Variants in TMEM209 observed in about 807,000 individuals in gnomAD.
The protein encoded by TMEM209 is transmembrane protein 209, also known as testicular tissue protein Li 202.
TMEM209 carries 65 observed loss-of-function variants against 76.2 expected under a neutral mutation model. The observed-to-expected ratio is 0.85, with a 90% CI of 0.70 to 1.05. The LOEUF is 1.05. Ranked by LOEUF, TMEM209 falls within the 50% of genes least tolerant of loss-of-function variation. The pLI, the probability that TMEM209 is intolerant of heterozygous loss-of-function variation, is 0.00. For synonymous variants in TMEM209, 239 were observed against 237.6 expected (o/e 1.01, Z -0.06); for missense variants, 623 against 685.5 (o/e 0.91, Z 1.02).
intron 5 of TMEM209, 69 bp downstream of exon 5, chr7:130,201,781 A>G: frequency 6.3e-7 from 1 of 1,580,998 alleles, no homozygotes; most frequent in Non-Finnish European, 8.6e-7. Context: ...GTTTTGACTC[A>G]TTAGATGATT....
chr7:130,201,660 G>T, intron 5 of TMEM209, 190 bp downstream of exon 5: 1 of 703,988 alleles, frequency 1.4e-6, no homozygotes, highest in Non-Finnish European at 2.3e-6. Flanking sequence ...CTCTGTAAAT[G>T]CTAATTTTTT....
intron 7 of TMEM209, among the ~76,000 whole-genome samples, chr7:130,184,713 A>G (rs1314656484): frequency 6.6e-6 from 1 of 151,944 alleles, no homozygotes; most frequent in Non-Finnish European, 1.5e-5. Flanking sequence ...GATGGTCTCA[A>G]TCTCCTGACC....
intron 8 of TMEM209, 113 bp from the exon 9 acceptor site, chr7:130,181,832 A>G: frequency 1.3e-6 from 1 of 741,648 alleles, no homozygotes; most frequent in Non-Finnish European, 2.2e-6. Context: ...TTATAGTTGA[A>G]TATTAAAAGA....
intron 5 of TMEM209, among the ~76,000 whole-genome samples, chr7:130,198,901 T>C (rs1798088606): frequency 6.6e-6 from 1 of 152,094 alleles, no homozygotes; most frequent in Non-Finnish European, 1.5e-5. Context: ...CTTATGGAGG[T>C]TGTCTTATTA....
chr7:130,180,660 C>G (rs1259861058), intron 9 of TMEM209, among the ~76,000 whole-genome samples: 2 of 152,116 alleles, frequency 1.3e-5, no homozygotes, highest in Admixed American at 1.3e-4. Context: ...TGAGCCACCG[C>G]GCCCGGCCAA....
intron 13 of TMEM209, among the ~76,000 whole-genome samples, chr7:130,171,965 G>A (rs901318785): frequency 6.0e-5 from 9 of 150,916 alleles, no homozygotes; most frequent in Non-Finnish European, 1.2e-4. Context: ...CCTGGGAGGC[G>A]GAGGTTGCAG....
chr7:130,182,635 A>C (rs1445387478), intron 8 of TMEM209, among the ~76,000 whole-genome samples: 2 of 152,196 alleles, frequency 1.3e-5, no homozygotes, highest in African/African-American at 4.8e-5. Flanking sequence ...AAGACTAAGG[A>C]TACATCCCAT....
intron 5 of TMEM209, among the ~76,000 whole-genome samples, chr7:130,197,747 G>C (rs1798040095): frequency 6.6e-6 from 1 of 152,078 alleles, no homozygotes; most frequent in African/African-American, 2.4e-5. Flanking sequence ...ATTCATTTTG[G>C]TTTACACTTC....
At chr7:130,182,699 C>CT (rs1797464001) in intron 8 of TMEM209, among the ~76,000 whole-genome samples, 1 of 152,200 alleles carries the variant, frequency 6.6e-6, no homozygotes, top group East Asian at 1.9e-4. Context: ...TCAATTACCA[C>CT]TTCTGTTTCC....
At chr7:130,167,420 T>G (rs969909300) in intron 14 of TMEM209, among the ~76,000 whole-genome samples, 3 of 152,184 alleles carry the variant, frequency 2.0e-5, no homozygotes, top group Middle Eastern at 3.2e-3. Context: ...TTTGACTTGT[T>G]TGTACATGAG....
At chr7:130,200,418 C>G (rs1471743099) in intron 5 of TMEM209, among the ~76,000 whole-genome samples, 3 of 152,068 alleles carry the variant, frequency 2.0e-5, no homozygotes. Context: ...TAAATTGGTA[C>G]AATTCTTTTG....
chr7:130,166,870 T>C (rs1331789099), intron 14 of TMEM209, among the ~76,000 whole-genome samples: 1 of 152,170 alleles, frequency 6.6e-6, no homozygotes. Flanking sequence ...AGAACTGTAT[T>C]ACTTGATTTG....
In TMEM209 at chr7:130,173,809, T is replaced by C. The variant is rs1562885686; in HGVS notation, c.1459+16A>G. The C allele has an allele frequency of 1.9e-6, 3 of 1,610,888 alleles. No individual in the cohort carries two copies. Among genetic ancestry groups the C allele is most frequent in the Non-Finnish European group, 8.5e-7 (1 of 1,177,112 alleles). On this transcript the variant is annotated intron_variant, in intron 12 of 14. Coordinates refer to ENST00000397622, the MANE Select transcript of TMEM209 (RefSeq NM_032842.4). ...GTGTGAAAATCTCAACACATTCTTT[T>C]AGGAGAGGTTTATACCTGGTTTATT...
At chr7:130,200,024 A>G (rs1235083372) in intron 5 of TMEM209, 1 of 151,966 alleles carries the variant, frequency 6.6e-6, no homozygotes, top group Non-Finnish European at 1.5e-5. Flanking sequence ...TGAGAAAATT[A>G]TCATCTTATA....
intron 10 of TMEM209, among the ~76,000 whole-genome samples, chr7:130,177,451 G>A (rs1797275616): frequency 6.6e-6 from 1 of 152,094 alleles, no homozygotes; most frequent in African/African-American, 2.4e-5. Context: ...TATAATCACG[G>A]CACTTGGGGA....
In TMEM209 at chr7:130,190,828, C is replaced by T. The variant is rs187154861; in HGVS notation, c.775+1794G>A. On this transcript the variant is annotated intron_variant, in intron 6 of 14. Coordinates refer to ENST00000397622, the MANE Select transcript of TMEM209 (RefSeq NM_032842.4). The stretch of plus-strand genomic sequence containing the variant: ...CCTGGGCAACATGGCAAAACCCGGT[C>T]TCTACTAAAAACACAAAAATTAGCA... Among the ~76,000 whole-genome samples the T allele has an allele frequency of 1.6e-3, 236 of 152,082 alleles. 3 individuals carry two copies. The highest frequency in any genetic ancestry group is 6.8e-3 in the Middle Eastern group (2 of 294).
intron 9 of TMEM209, among the ~76,000 whole-genome samples, chr7:130,180,092 C>T (rs1359758856): frequency 6.6e-6 from 1 of 152,078 alleles, no homozygotes; most frequent in Non-Finnish European, 1.5e-5. Flanking sequence ...TGCACCGTAG[C>T]ATTATTGGTA....
intron 5 of TMEM209, among the ~76,000 whole-genome samples, chr7:130,194,034 T>A (rs1797886910): frequency 6.6e-6 from 1 of 151,470 alleles, no homozygotes; most frequent in Non-Finnish European, 1.5e-5. Flanking sequence ...CCGTCTCTAC[T>A]AAAAGTACAA....
intron 6 of TMEM209, among the ~76,000 whole-genome samples, chr7:130,186,794 C>T (rs1797613660): frequency 6.6e-6 from 1 of 152,002 alleles, no homozygotes; most frequent in Admixed American, 6.5e-5. Flanking sequence ...CCACCACCAC[C>T]ACCACCACAA....
Sources: gnomAD v4.1 joint callset for allele counts (sites outside exome capture counted in the v4.1 genomes callset) on GRCh38, gnomAD v4.1.1 for gene constraint, MANE v1.5 for transcripts, NCBI Gene and HGNC (gene_info 2026-07-23, HGNC 2026-07-21) for gene names.